The following SLC5A7 variants were observed in gnomAD, a reference collection of about 807,000 sequenced individuals.
The protein encoded by SLC5A7 is solute carrier family 5 member 7, also known as high affinity choline transporter 1.
In SLC5A7, 19 loss-of-function variants were observed where a neutral mutation model predicts 55.4. The observed-to-expected ratio is 0.34, with a 90% CI of 0.24 to 0.50. The LOEUF is 0.50. Among genes scored for constraint, SLC5A7 ranks in the 20% least tolerant of loss-of-function variants. The probability of loss-of-function intolerance (pLI) is 0.98; values close to 1 mark genes in which losing one functional copy is unlikely to be tolerated. For missense variants in SLC5A7, 506 were observed against 705.3 expected (o/e 0.72, Z 3.20); for synonymous variants, 265 against 263.7 (o/e 1.00, Z -0.05).
chr2:107,989,901 C>T (rs1012548912), intron 2 of SLC5A7, among the ~76,000 whole-genome samples: 1 of 151,668 alleles, frequency 6.6e-6, no homozygotes, highest in African/African-American at 2.4e-5. Context: ...TTCAACCTAA[C>T]AAGCTATTAA....
intron 7 of SLC5A7, among the ~76,000 whole-genome samples, chr2:108,006,820 G>C (rs543866625): frequency 6.6e-6 from 1 of 152,138 alleles, no homozygotes; most frequent in African/African-American, 2.4e-5. Context: ...ACGTTTACCT[G>C]TCATCCTCAT....
intron 1 of SLC5A7, among the ~76,000 whole-genome samples, chr2:107,986,977 G>C (rs1161818090): frequency 6.6e-6 from 1 of 152,156 alleles, no homozygotes; most frequent in African/African-American, 2.4e-5. Context: ...CCGAGGAAAG[G>C]CCGCAGGGGG....
rs773055887 is a variant in SLC5A7 at position 107,988,272 on chromosome 2, C to T, written c.117C>T (p.Ser39=). 6 of 1,614,114 alleles carry T rather than the reference C, an allele frequency of 3.7e-6. No homozygotes were observed. In the South Asian group the frequency reaches 4.4e-5, roughly 12 times the overall value. Residue 39 remains serine (S), a synonymous_variant, in exon 2 of 9, where the codon AGC becomes AGT. Transcript: ENST00000264047. ...TKNSGSAEER[S]EAIIVGGRDI... ...ACAGTGGCAGCGCAGAAGAGCGCAG[C>T]GAAGCCATCATAGTTGGTGGCCGAG...
chr2:108,007,110 G>A (rs1678154370), intron 7 of SLC5A7, among the ~76,000 whole-genome samples: 2 of 152,142 alleles, frequency 1.3e-5, no homozygotes, highest in Admixed American at 6.5e-5. Context: ...TTCCGGTGCT[G>A]TAACTTTTAA....
chr2:107,986,772 G>C lies in SLC5A7; in HGVS notation c.-52+9G>C, dbSNP rs1359218886. The C allele has an allele frequency of 6.6e-6, 1 of 152,366 alleles. No homozygotes were observed. Among genetic ancestry groups the C allele is most frequent in the Non-Finnish European group, 1.5e-5 (1 of 68,118 alleles). The allele number at this position is 152,366 out of a possible 1,614,324, so 9.4% of individuals were successfully genotyped here. ...TGCAGCCACCACTCCAGGTAGGAGC[G>C]GAGCGGGCATTCCTGCGCCTACGGG... On this transcript the variant is annotated intron_variant, in intron 1 of 8. Coordinates refer to ENST00000264047, the MANE Select transcript of SLC5A7 (RefSeq NM_021815.5).
Position 107,993,114 on chromosome 2 carries a change from T to C in SLC5A7, c.435T>C (p.Ile145=). ...GAGAAATGTTCTGGGCTGCAGCAAT[T>C]TTCTCTGCTTTGGGTAAGGACCAGC... ...LMGEMFWAAA[I]FSALGATISV... Residue 145 remains isoleucine (I), a synonymous_variant, in exon 4 of 9, where the codon ATT becomes ATC. Transcript: ENST00000264047. The C allele has an allele frequency of 6.2e-7, 1 of 1,614,186 alleles. No homozygotes were observed. Among genetic ancestry groups the C allele is most frequent in the South Asian group, 1.1e-5 (1 of 91,092 alleles).
At chr2:108,006,585 G>A (rs1198428996) in intron 7 of SLC5A7, among the ~76,000 whole-genome samples, 2 of 151,864 alleles carry the variant, frequency 1.3e-5, no homozygotes, top group East Asian at 1.9e-4. Context: ...CCCAGTTTTG[G>A]TATATTTATC....
chr2:107,987,232 A>G (rs899098160), intron 1 of SLC5A7, among the ~76,000 whole-genome samples: 7 of 152,130 alleles, frequency 4.6e-5, no homozygotes, highest in Non-Finnish European at 7.4e-5. Flanking sequence ...AAATAAAAAT[A>G]AAAATAAAAG....
In SLC5A7 at chr2:108,000,209, A is replaced by G. The variant is rs569263694; in HGVS notation, c.598-1688A>G. Among the ~76,000 whole-genome samples, 13 of 152,246 alleles carry G rather than the reference A, an allele frequency of 8.5e-5. No individual in the cohort carries two copies. The South Asian group carries it at 2.7e-3, about 32-fold the overall frequency. ...ATTCTTCTCCTCTTTGACTTGCTCC[A>G]TCTAAACATCTCTTCCTTCAATTCT... On this transcript the variant is annotated intron_variant, in intron 5 of 8. Coordinates refer to ENST00000264047, the MANE Select transcript of SLC5A7 (RefSeq NM_021815.5).
chr2:108,000,717 C>A (rs1430358656), intron 5 of SLC5A7, among the ~76,000 whole-genome samples: 2 of 152,016 alleles, frequency 1.3e-5, no homozygotes, highest in Non-Finnish European at 2.9e-5. Flanking sequence ...ACCTCAGCCT[C>A]CTGAGTAGCT....
chr2:107,993,625 C>CT (rs2104344129), intron 4 of SLC5A7, among the ~76,000 whole-genome samples: 1 of 152,300 alleles, frequency 6.6e-6, no homozygotes, highest in South Asian at 2.1e-4. Context: ...TGTTTTCCCT[C>CT]TAATAACTGC....
intron 7 of SLC5A7, 101 bp from the exon 8 acceptor site, chr2:108,008,364 T>C: frequency 1.2e-6 from 1 of 814,986 alleles, no homozygotes; most frequent in Non-Finnish European, 2.0e-6. Flanking sequence ...TATATGATTC[T>C]GAGTTTATTT....
intron 6 of SLC5A7, 108 bp from the exon 7 acceptor site, chr2:108,005,941 T>G: frequency 1.5e-6 from 2 of 1,369,252 alleles, no homozygotes; most frequent in Non-Finnish European, 2.0e-6. Flanking sequence ...CCACATTTTT[T>G]TTACTACTTC....
In SLC5A7 at chr2:108,006,149, G is replaced by A. The variant is rs1019462942; in HGVS notation, c.842G>A (p.Cys281Tyr). 6.2e-7 allele frequency: 1 copy of A among 1,614,008 alleles called. No individual in the cohort carries two copies. The highest frequency in any genetic ancestry group is 8.5e-7 in the Non-Finnish European group (1 of 1,179,982). The change falls in exon 7 of 9, where the codon TGC becomes TAC. Residue 281 changes from cysteine (C) to tyrosine (Y), a missense_variant. Physicochemically the swap from Cys to Tyr is radical, Grantham distance 194 (BLOSUM62 -2). Around this residue, in one of 4 missense-constraint regions of SLC5A7, gnomAD observed 309 missense variants for 478.6 expected, o/e 0.65. Transcript: ENST00000264047. ...QVLSFLAAFG[C>Y]LVMAIPAILI... Reference sequence around the variant, plus strand: ...CTGTCCTTCCTGGCAGCTTTCGGGTGCCTGGTGATGGCCATCCCAGCCATA... The same window carrying A: ...CTGTCCTTCCTGGCAGCTTTCGGGTACCTGGTGATGGCCATCCCAGCCATA...
rs1436314958 is a variant in SLC5A7 at position 107,997,846 on chromosome 2, A to G, written c.457A>G (p.Ile153Val). ...AAIFSALGAT[I>V]SVIIDVDMHI... The stretch of plus-strand genomic sequence containing the variant: ...TCTCTTGTTTGTTTCAGGAGCCACC[A>G]TCAGCGTGATCATCGATGTGGATAT... Residue 153 changes from isoleucine to valine, a missense_variant, in exon 5 of 9, where the codon ATC becomes GTC. Ile to Val is a conservative substitution (Grantham distance 29, BLOSUM62 3). This residue lies in a region of SLC5A7 where 309 missense variants were observed against 478.6 expected (regional missense o/e 0.65). Coordinates refer to ENST00000264047, the MANE Select transcript of SLC5A7 (RefSeq NM_021815.5). 1 of 1,609,024 alleles carries G rather than the reference A, an allele frequency of 6.2e-7. No individual in the cohort carries two copies. Among genetic ancestry groups the G allele is most frequent in the Non-Finnish European group, 8.5e-7 (1 of 1,177,490 alleles).
rs778765282 is a variant in SLC5A7 at position 108,006,222 on chromosome 2, A to G, written c.895+20A>G. 3 of 1,613,082 alleles carry G rather than the reference A, an allele frequency of 1.9e-6. No individual in the cohort carries two copies. The Admixed American group carries it at 5.0e-5, about 27-fold the overall frequency. Reference sequence around the variant, plus strand: ...CAACAGGTAAATCTCTTGCAGCTTCACCACATGTGCCAGTTAGTTTACCAA... The same window carrying G: ...CAACAGGTAAATCTCTTGCAGCTTCGCCACATGTGCCAGTTAGTTTACCAA... On this transcript the variant is annotated intron_variant, in intron 7 of 8. Transcript: ENST00000264047.
chr2:108,010,985 C>T lies in SLC5A7; in HGVS notation c.*124C>T, dbSNP rs1459031218. The T allele has an allele frequency of 9.3e-7, 1 of 1,076,344 alleles. No individual in the cohort carries two copies. Among genetic ancestry groups the T allele is most frequent in the East Asian group, 2.8e-5 (1 of 35,276 alleles). The allele number at this position is 1,076,344 out of a possible 1,614,324, so 66.7% of individuals were successfully genotyped here. A position where few individuals can be genotyped will look rare whatever the true frequency, so the allele number is the denominator to read the frequency against. On this transcript the variant is annotated 3_prime_UTR_variant, in exon 9 of 9. Coordinates refer to ENST00000264047, the MANE Select transcript of SLC5A7 (RefSeq NM_021815.5). ...AACAATGTTCAGGAGAGTAAAAATT[C>T]ATATAAAGTGCAATTGCACAAATAC...
At chr2:107,994,533 C>G (rs1677589680) in intron 4 of SLC5A7, among the ~76,000 whole-genome samples, 1 of 152,034 alleles carries the variant, frequency 6.6e-6, no homozygotes, top group Admixed American at 6.6e-5. Context: ...TTACAGTGAG[C>G]TGAGATCACG....
chr2:107,995,468 AGAGTGT>A (rs1360167510), intron 4 of SLC5A7, among the ~76,000 whole-genome samples: 217 of 125,482 alleles, frequency 1.7e-3, no homozygotes, highest in South Asian at 4.2e-3. Flanking sequence ...AGAGAGAGAG[AGAGTGT>A]GTGTGTGTGT....
Sources: gnomAD v4.1 joint callset for allele counts (sites outside exome capture counted in the v4.1 genomes callset) on GRCh38, gnomAD v4.1.1 for gene constraint, gnomAD v4.1.1 regional missense constraint, MANE v1.5 for transcripts, NCBI Gene and HGNC (gene_info 2026-07-23, HGNC 2026-07-21) for gene names.